The following QSOX2 variants were observed in gnomAD, a reference collection of about 807,000 sequenced individuals.
QSOX2 encodes sulfhydryl oxidase 2.
Under a neutral mutation model 61.7 loss-of-function variants are expected in QSOX2, and 46 were observed. The observed-to-expected ratio is 0.75, with a 90% confidence interval of 0.59 to 0.95. The LOEUF is 0.95. QSOX2 is among the 40% of genes least tolerant of loss of function. QSOX2 has a pLI of 0.00. For synonymous variants in QSOX2, 383 were observed against 388.4 expected (o/e 0.99, Z 0.16); for missense variants, 879 against 918.9 (o/e 0.96, Z 0.56).
Position 136,245,696 on chromosome 9 carries a change from CA to C in QSOX2, c.107del (p.Leu36ArgfsTer2). The stretch of plus-strand genomic sequence containing the variant: ...CCGCCGCCGCCGCTAGCAGCACTAG[CA>C]GCCGCGGCAGCCGTGCGGCCCGCGG... ...PPPRAARLPR[L>X]LVLLAAAAVG... On this transcript the variant is annotated frameshift_variant, in exon 1 of 12. Coordinates refer to ENST00000358701, the MANE Select transcript of QSOX2 (RefSeq NM_181701.4). LOFTEE classifies it high-confidence loss of function. The C allele has an allele frequency of 8.6e-7, 1 of 1,160,498 alleles. No homozygotes were observed. The highest frequency in any genetic ancestry group is 1.1e-6 in the Non-Finnish European group (1 of 943,758). The allele number at this position is 1,160,498 out of a possible 1,614,324, so 71.9% of individuals were successfully genotyped here.
chr9:136,243,074 A>G (rs1000841622), intron 1 of QSOX2, among the ~76,000 whole-genome samples: 5 of 152,206 alleles, frequency 3.3e-5, no homozygotes, highest in African/African-American at 1.2e-4. Flanking sequence ...GAGATCACAG[A>G]CAGACAGCAC....
In QSOX2 at chr9:136,218,999, C is replaced by G. The variant is rs748041440; in HGVS notation, c.956+31G>C. 9.3e-6 allele frequency: 15 copies of G among 1,612,896 alleles called. No homozygotes were observed. In the South Asian group the frequency reaches 1.6e-4, roughly 18 times the overall value. On this transcript the variant is annotated intron_variant, in intron 7 of 11. Coordinates refer to ENST00000358701, the MANE Select transcript of QSOX2 (RefSeq NM_181701.4). Reference sequence around the variant, plus strand: ...AGCCTTCGGTCTACACGCACTGTCTCCGGGGGCTTCAGTTCAAGAGGAACA... The same window carrying G: ...AGCCTTCGGTCTACACGCACTGTCTGCGGGGGCTTCAGTTCAAGAGGAACA...
Position 136,219,093 on chromosome 9 carries a change from G to A in QSOX2, c.893C>T (p.Pro298Leu), listed in dbSNP as rs1422328758. 6.2e-7 allele frequency: 1 copy of A among 1,614,002 alleles called. No individual in the cohort carries two copies. Among genetic ancestry groups the A allele is most frequent in the African/African-American group, 1.3e-5 (1 of 74,924 alleles). The change falls in exon 7 of 12, where the codon CCC becomes CTC. Residue 298 changes from proline to leucine, a missense_variant. Pro to Leu is a moderately conservative substitution (Grantham distance 98). Transcript: ENST00000358701. ...SLPDVRKKSLPLPEKPHKEEN... is the reference protein window; with the variant it reads ...SLPDVRKKSLLLPEKPHKEEN... ...TTCTTTGTGTGGCTTTTCAGGCAAG[G>A]GAAGCGATTTTTTCCTCACATCCGG...
intron 1 of QSOX2, among the ~76,000 whole-genome samples, chr9:136,244,809 T>C (rs909979976): frequency 6.6e-6 from 1 of 152,216 alleles, no homozygotes; most frequent in Non-Finnish European, 1.5e-5. Flanking sequence ...GCATCTGTGA[T>C]CAAGGAGCCC....
At position 136,207,358 on chromosome 9, in the gene QSOX2, C is replaced by CA. The variant is rs1399594338; in HGVS notation, c.*1369_*1370insT. The CA allele has an allele frequency of 7.1e-5, 8 of 112,662 alleles. No homozygotes were observed. Among genetic ancestry groups the CA allele is most frequent in the African/African-American group, 1.0e-4 (3 of 29,272 alleles). 7.0% of individuals were successfully genotyped at this position (112,662 alleles called of 1,614,324 possible). A position where few individuals can be genotyped will look rare whatever the true frequency, so the allele number is the denominator to read the frequency against. ...TCTACAACCGTCAAAGTCTCTCTCT[C>CA]TCTCATACACACACACACACACACA... On this transcript the variant is annotated 3_prime_UTR_variant, in exon 12 of 12. Transcript: ENST00000358701.
At chr9:136,245,438 CG>C in intron 1 of QSOX2, 37 bp downstream of exon 1, 2 of 1,509,048 alleles carry the variant, frequency 1.3e-6, no homozygotes, top group Non-Finnish European at 8.9e-7. Flanking sequence ...GCCGCGGTCC[CG>C]GGGGTCGGGG....
chr9:136,228,645 G>C (rs1830303952), intron 1 of QSOX2, among the ~76,000 whole-genome samples: 1 of 152,188 alleles, frequency 6.6e-6, no homozygotes, highest in African/African-American at 2.4e-5. Context: ...CCGCACCGTG[G>C]GAGAGGCAGG....
At chr9:136,217,680 C>A (rs10858249) in intron 8 of QSOX2, among the ~76,000 whole-genome samples, 1 of 152,084 alleles carries the variant, frequency 6.6e-6, no homozygotes, top group Admixed American at 6.5e-5. Context: ...ACGGAGAAGC[C>A]GGGAGAGGAG....
chr9:136,210,483 A>G (rs1225214719), intron 11 of QSOX2: 1 of 985,336 alleles, frequency 1.0e-6, no homozygotes, highest in Non-Finnish European at 1.2e-6. Flanking sequence ...GGGAAAGCAC[A>G]GGGAGCTCTG....
intron 1 of QSOX2, among the ~76,000 whole-genome samples, chr9:136,230,927 C>A (rs1471878266): frequency 6.6e-6 from 1 of 152,206 alleles, no homozygotes; most frequent in Non-Finnish European, 1.5e-5. Flanking sequence ...CTGATCTGTT[C>A]CTGGTTGCTT....
At position 136,224,130 on chromosome 9, in the gene QSOX2, G is replaced by C. The variant is rs776062948; in HGVS notation, c.479-18C>G. ...GTCAGGTCCTGCCGGAAGCACACCA[G>C]GGTCAGAGCTGTGTGTGCGGCTGTC... On this transcript the variant is annotated intron_variant, in intron 3 of 11. Transcript: ENST00000358701. The C allele has an allele frequency of 1.9e-6, 3 of 1,598,992 alleles. No individual in the cohort carries two copies. The African/African-American group carries it at 4.0e-5, about 21-fold the overall frequency.
In QSOX2 at chr9:136,215,792, C is replaced by T. The variant is rs151289678; in HGVS notation, c.1210-488G>A. On this transcript the variant is annotated intron_variant, in intron 9 of 11. Coordinates refer to ENST00000358701, the MANE Select transcript of QSOX2 (RefSeq NM_181701.4). ...AGGGCTGAGAGCCCCAGGCAGATTC[C>T]GCTGGGTTTGGTTTCGTGTCTCATC... Among the ~76,000 whole-genome samples the T allele has an allele frequency of 3.8e-3, 574 of 152,322 alleles. 4 individuals carry two copies. Among genetic ancestry groups the T allele is most frequent in the African/African-American group, 0.012 (519 of 41,564 alleles).
rs777349952 is a variant in QSOX2, at chr9:136,209,104, T to G, written c.1721A>C (p.Asp574Ala). The change falls in exon 12 of 12, where the codon GAC (aspartate) becomes GCC (alanine). Residue 574 changes from aspartate (D) to alanine (A), a missense_variant. By Grantham distance (126) the Asp-to-Ala change is moderately radical. Transcript: ENST00000358701. This position sits in a 1 kb window ranked among gnomAD's most constrained non-coding sequence, Gnocchi z 5.6. ...RDNLLDTYSA[D>A]QGDSSEGGTL... ...TCCTCCTTCACTGGAATCCCCCTGGTCTGCGGAATACGTGTCTAAGAGGTT... is the reference window on the plus strand; with the variant it reads ...TCCTCCTTCACTGGAATCCCCCTGGGCTGCGGAATACGTGTCTAAGAGGTT... 6.2e-7 allele frequency: 1 copy of G among 1,614,184 alleles called. No individual in the cohort carries two copies. The highest frequency in any genetic ancestry group is 2.2e-5 in the East Asian group (1 of 44,874).
At chr9:136,243,015 C>T (rs1443477340) in intron 1 of QSOX2, among the ~76,000 whole-genome samples, 1 of 152,242 alleles carries the variant, frequency 6.6e-6, no homozygotes, top group Non-Finnish European at 1.5e-5. Flanking sequence ...CGCCTGGTTA[C>T]ATCACCTCCC....
At position 136,223,904 on chromosome 9, in the gene QSOX2, G is replaced by A. The variant is rs769904266; in HGVS notation, c.585-51C>T. 28 of 1,585,366 alleles carry A rather than the reference G, an allele frequency of 1.8e-5. No individual in the cohort carries two copies. The highest frequency in any genetic ancestry group is 2.1e-5 in the Non-Finnish European group (24 of 1,154,638). On this transcript the variant is annotated intron_variant, in intron 4 of 11. Coordinates refer to ENST00000358701, the MANE Select transcript of QSOX2 (RefSeq NM_181701.4). The surrounding 1 kb of genome is among the most constrained non-coding windows in gnomAD (Gnocchi z 4.4). ...TTAGTGCCGTCAACAGCAGCGAGTT[G>A]GCCACCACATCCCAGTGGCCACATC...
At chr9:136,238,853 C>T (rs1393574726) in intron 1 of QSOX2, among the ~76,000 whole-genome samples, 1 of 152,220 alleles carries the variant, frequency 6.6e-6, no homozygotes, top group Non-Finnish European at 1.5e-5. Context: ...GCGACCAAGA[C>T]CCTATCAAAG....
Position 136,218,664 on chromosome 9 carries a change from A to G in QSOX2, c.1086+15T>C. Reference sequence around the variant, plus strand: ...CAAATTCCCACATGCAGCCCAGACCAGCACCGTCCCAAACCTTGGCCAAGA... The same window carrying G: ...CAAATTCCCACATGCAGCCCAGACCGGCACCGTCCCAAACCTTGGCCAAGA... On this transcript the variant is annotated intron_variant, in intron 8 of 11. Transcript: ENST00000358701. 1 of 1,612,212 alleles carries G rather than the reference A, an allele frequency of 6.2e-7. No homozygotes were observed.
chr9:136,216,785 G>A (rs764549369), intron 8 of QSOX2, 63 bp from the exon 9 acceptor site: 110 of 1,591,930 alleles, frequency 6.9e-5, no homozygotes, highest in Non-Finnish European at 9.0e-5. Flanking sequence ...CCCACCGCGG[G>A]GGGCACCGCA....
rs979871350 is a variant in QSOX2, at chr9:136,221,581, G to A, written c.821+215C>T. Reference sequence around the variant, plus strand: ...ACCACGCCAGGCTCCTCCTAGGTGCGGGGACACAGCAGTGAGAAAACAGAA... The same window carrying A: ...ACCACGCCAGGCTCCTCCTAGGTGCAGGGACACAGCAGTGAGAAAACAGAA... On this transcript the variant is annotated intron_variant, in intron 6 of 11. Coordinates refer to ENST00000358701, the MANE Select transcript of QSOX2 (RefSeq NM_181701.4). The surrounding 1 kb of genome is among the most constrained non-coding windows in gnomAD (Gnocchi z 4.5). Among the ~76,000 whole-genome samples the A allele has an allele frequency of 1.3e-5, 2 of 152,182 alleles. No individual in the cohort carries two copies. The highest frequency in any genetic ancestry group is 2.4e-5 in the African/African-American group (1 of 41,434).
Sources: allele counts gnomAD v4.1 joint callset (sites outside exome capture counted in the v4.1 genomes callset), GRCh38; gene constraint gnomAD v4.1.1; non-coding constraint Gnocchi (gnomAD v3.1); transcripts MANE v1.5; gene names NCBI Gene and HGNC (gene_info 2026-07-23, HGNC 2026-07-21).